Variants in ACTN4 observed in about 807,000 individuals in gnomAD.
ACTN4 encodes alpha-actinin-4.
Under a neutral mutation model 114.2 loss-of-function variants are expected in ACTN4, and 18 were observed. That is an observed-to-expected ratio of 0.16 (90% CI 0.11 to 0.23). ACTN4 has a LOEUF of 0.23. ACTN4 is among the 10% of genes least tolerant of loss of function. ACTN4 has a pLI of 1.00. For synonymous variants in ACTN4, 515 were observed against 506.3 expected (o/e 1.02, Z -0.23); for missense variants, 722 against 1,262.9 (o/e 0.57, Z 6.49).
At position 38,723,598 on chromosome 19, in the gene ACTN4, T is replaced by A. The variant is rs1448104354; in HGVS notation, c.1443-16T>A. On this transcript the variant is annotated splice_polypyrimidine_tract_variant and intron_variant, in intron 12 of 20. Coordinates refer to ENST00000252699, the MANE Select transcript of ACTN4 (RefSeq NM_004924.6). Reference sequence around the variant, plus strand: ...TTGCCCTTGCCGAGTCTCATTGCTCTCTGCCCGGCCCGCAGCGAGCTGGAT... The same window carrying A: ...TTGCCCTTGCCGAGTCTCATTGCTCACTGCCCGGCCCGCAGCGAGCTGGAT... 2 of 1,587,096 alleles carry A rather than the reference T, an allele frequency of 1.3e-6. No individual in the cohort carries two copies. The highest frequency in any genetic ancestry group is 1.7e-6 in the Non-Finnish European group (2 of 1,161,880).
chr19:38,727,229 G>A lies in ACTN4; in HGVS notation c.2337+126G>A. ...CTGAGCGTCGGCCGCCACTCCCAGG[G>A]CCAGCAGGGCCCTGCCACTGTCAGG... On this transcript the variant is annotated intron_variant, in intron 18 of 20. Transcript: ENST00000252699. The surrounding 1 kb of genome is among the most constrained non-coding windows in gnomAD (Gnocchi z 5.4). The A allele has an allele frequency of 1.4e-6, 2 of 1,430,904 alleles. No homozygotes were observed. Among genetic ancestry groups the A allele is most frequent in the Non-Finnish European group, 1.9e-6 (2 of 1,041,040 alleles). The allele number at this position is 1,430,904 out of a possible 1,614,324, so 88.6% of individuals were successfully genotyped here.
intron 19 of ACTN4, 40 bp downstream of exon 19, chr19:38,728,066 G>GCTCT (rs148995680): frequency 5.3e-6 from 8 of 1,506,238 alleles, no homozygotes; most frequent in African/African-American, 2.8e-5. Flanking sequence ...GGCATTAACT[G>GCTCT]CTCTCTCTCT....
rs181719839 is a variant in ACTN4 at position 38,648,890 on chromosome 19, G to A, written c.162+983G>A. On this transcript the variant is annotated intron_variant, in intron 1 of 20. Coordinates refer to ENST00000252699, the MANE Select transcript of ACTN4 (RefSeq NM_004924.6). ...GAGAAGGTGAGATCGGTGGGAGGGAGGGTGAGCTGGAATGGTGGATAATGG... is the reference window on the plus strand; with the variant it reads ...GAGAAGGTGAGATCGGTGGGAGGGAAGGTGAGCTGGAATGGTGGATAATGG... Among the ~76,000 whole-genome samples, 372 of 151,790 alleles carry A rather than the reference G, an allele frequency of 2.5e-3. 1 individual carries two copies. In the Middle Eastern group the frequency reaches 0.048, roughly 20 times the overall value.
At chr19:38,680,572 C>T (rs999289755) in intron 1 of ACTN4, among the ~76,000 whole-genome samples, 2 of 152,106 alleles carry the variant, frequency 1.3e-5, no homozygotes, top group African/African-American at 4.8e-5. Flanking sequence ...TGCCTGATGC[C>T]CACTGCTTGT....
rs377325755 is a variant in ACTN4 at position 38,725,910 on chromosome 19, G to A, written c.2190+7G>A. 1.1e-5 allele frequency: 17 copies of A among 1,613,576 alleles called. No homozygotes were observed. Among genetic ancestry groups the A allele is most frequent in the South Asian group, 2.2e-5 (2 of 91,066 alleles). On this transcript the variant is annotated splice_region_variant and intron_variant, in intron 17 of 20. Transcript: ENST00000252699. ...CACCAACTATACCATGGAGGTGCGCGGCTGCCCCGCCCGCTGGCCTTTCCA... is the reference window on the plus strand; with the variant it reads ...CACCAACTATACCATGGAGGTGCGCAGCTGCCCCGCCCGCTGGCCTTTCCA...
At chr19:38,702,652 C>T (rs1005794360) in intron 3 of ACTN4, among the ~76,000 whole-genome samples, 56 of 152,178 alleles carry the variant, frequency 3.7e-4, no homozygotes, top group African/African-American at 1.4e-3. Flanking sequence ...CACTAAGGGG[C>T]AGGTGGTGCT....
intron 1 of ACTN4, among the ~76,000 whole-genome samples, chr19:38,671,232 A>G (rs1475868342): frequency 2.6e-5 from 4 of 152,172 alleles, no homozygotes; most frequent in African/African-American, 9.7e-5. Flanking sequence ...GATAATTAAG[A>G]GTTGACTCCT....
intron 1 of ACTN4, among the ~76,000 whole-genome samples, chr19:38,694,642 G>A (rs2144969553): frequency 6.6e-6 from 1 of 152,236 alleles, no homozygotes; most frequent in East Asian, 1.9e-4. Flanking sequence ...ATCGTGGAAT[G>A]AATGCCCACC....
intron 1 of ACTN4, among the ~76,000 whole-genome samples, chr19:38,648,643 G>A (rs1485283525): frequency 1.3e-5 from 2 of 151,938 alleles, no homozygotes; most frequent in African/African-American, 2.4e-5. Flanking sequence ...TAAGGGGCCC[G>A]TGAATCAGAC....
At position 38,717,064 on chromosome 19, in the gene ACTN4, C is replaced by T. The variant is rs546315191; in HGVS notation, c.913-22C>T. ...CTCTGAGGGTCCCCCACAAAGGCCA[C>T]GCTGGCTTCTGTGGCCCACAGCTCC... On this transcript the variant is annotated intron_variant, in intron 9 of 20. Transcript: ENST00000252699. This position sits in a 1 kb window ranked among gnomAD's most constrained non-coding sequence, Gnocchi z 4.0. 59 of 1,604,392 alleles carry T rather than the reference C, an allele frequency of 3.7e-5. No individual in the cohort carries two copies. The South Asian group carries it at 4.6e-4, about 12-fold the overall frequency.
chr19:38,714,339 G>A (rs1968768128), intron 8 of ACTN4, 130 bp from the exon 9 acceptor site: 1 of 815,738 alleles, frequency 1.2e-6, no homozygotes, highest in Non-Finnish European at 2.1e-6. Flanking sequence ...TCTCACTGGA[G>A]CTGTGCTTCC....
intron 1 of ACTN4, among the ~76,000 whole-genome samples, chr19:38,652,454 C>T (rs966059582): frequency 1.1e-4 from 16 of 152,176 alleles, no homozygotes; most frequent in Admixed American, 1.0e-3. Flanking sequence ...GAGTTGAGAT[C>T]TGGCTGGTGC....
chr19:38,714,564 G>A lies in ACTN4; in HGVS notation c.912+3G>A, dbSNP rs535524625. 3.1e-6 allele frequency: 5 copies of A among 1,613,956 alleles called. No homozygotes were observed. The African/African-American group carries it at 6.7e-5, about 21-fold the overall frequency. ...ACTACGAGAAGCTGGCCAGCGACGT[G>A]AGTGTTCCCCCAGTGAAAGTCAGGG... On this transcript the variant is annotated splice_donor_region_variant and intron_variant, in intron 9 of 20. Transcript: ENST00000252699.
intron 1 of ACTN4, among the ~76,000 whole-genome samples, chr19:38,696,989 T>C (rs537177006): frequency 8.5e-5 from 13 of 152,350 alleles, no homozygotes; most frequent in Non-Finnish European, 1.8e-4. Flanking sequence ...TTGTGTTTAA[T>C]CCCTATCTTA....
At chr19:38,698,437 G>T (rs1212701579) in intron 1 of ACTN4, among the ~76,000 whole-genome samples, 1 of 152,196 alleles carries the variant, frequency 6.6e-6, no homozygotes, top group East Asian at 1.9e-4. Flanking sequence ...ACCTGCCTTG[G>T]CTCCCCTCCC....
At chr19:38,660,676 G>A (rs1250033074) in intron 1 of ACTN4, among the ~76,000 whole-genome samples, 1 of 152,100 alleles carries the variant, frequency 6.6e-6, no homozygotes, top group African/African-American at 2.4e-5. Context: ...GATTACAGGC[G>A]CGAGCCACCA....
chr19:38,708,214 C>T lies in ACTN4; in HGVS notation c.651+19C>T. The T allele has an allele frequency of 6.2e-7, 1 of 1,613,516 alleles. No individual in the cohort carries two copies. The highest frequency in any genetic ancestry group is 8.5e-7 in the Non-Finnish European group (1 of 1,179,560). ...GAGGAAGGTGAGTGTCTCCAGCTCC[C>T]CTTGATGGCCCACAGACGTGCCCTG... On this transcript the variant is annotated intron_variant, in intron 6 of 20. Coordinates refer to ENST00000252699, the MANE Select transcript of ACTN4 (RefSeq NM_004924.6).
chr19:38,720,160 C>T (rs1968990030), intron 11 of ACTN4, among the ~76,000 whole-genome samples: 1 of 152,082 alleles, frequency 6.6e-6, no homozygotes, highest in South Asian at 2.1e-4. Flanking sequence ...GGGTGGGCCA[C>T]CTTCACTCCA....
intron 8 of ACTN4, among the ~76,000 whole-genome samples, chr19:38,711,782 G>A (rs1190119766): frequency 1.3e-5 from 2 of 152,244 alleles, no homozygotes; most frequent in Non-Finnish European, 2.9e-5. Context: ...TACCCGTTTT[G>A]CAGCTCCTTC....
Sources: allele counts gnomAD v4.1 joint callset (sites outside exome capture counted in the v4.1 genomes callset), GRCh38; gene constraint gnomAD v4.1.1; non-coding constraint Gnocchi (gnomAD v3.1); transcripts MANE v1.5; gene names NCBI Gene and HGNC (gene_info 2026-07-23, HGNC 2026-07-21).